Variants in FAM83D observed in about 807,000 individuals in gnomAD.
FAM83D encodes the protein scaffolding CK1 anchoring protein D.
A neutral mutation model predicts 25.4 loss-of-function variants in FAM83D; 26 were observed. That is an observed-to-expected ratio of 1.02 (90% confidence interval 0.75 to 1.42). The LOEUF is 1.42. Among genes scored for constraint, FAM83D ranks in the 40% most tolerant of loss-of-function variants. The probability of loss-of-function intolerance (pLI) is 0.00; values close to 1 mark genes in which losing one functional copy is unlikely to be tolerated. For missense variants in FAM83D, 740 were observed against 758.1 expected (o/e 0.98, Z 0.28); for synonymous variants, 310 against 318.5 (o/e 0.97, Z 0.28).
At chr20:38,936,940 C>T (rs1000964976) in intron 1 of FAM83D, among the ~76,000 whole-genome samples, 1 of 152,134 alleles carries the variant, frequency 6.6e-6, no homozygotes, top group Non-Finnish European at 1.5e-5. Flanking sequence ...TTCCCAAGTC[C>T]CTTGGTACAA....
Position 38,941,777 on chromosome 20 carries a change from G to A in FAM83D, c.484-182G>A, listed in dbSNP as rs114055283. Among the ~76,000 whole-genome samples the A allele has an allele frequency of 3.6e-3, 542 of 152,250 alleles. 6 individuals are homozygous for A. The highest frequency in any genetic ancestry group is 0.013 in the African/African-American group (520 of 41,546). ...GATTTCTAGGACACGGGGCCCAAGT[G>A]TCTTTGGAGATGCAAAAGAGTCCAT... On this transcript the variant is annotated intron_variant, in intron 1 of 3. Coordinates refer to ENST00000619850, the MANE Select transcript of FAM83D (RefSeq NM_030919.3).
At chr20:38,929,245 T>C (rs1199926435) in intron 1 of FAM83D, among the ~76,000 whole-genome samples, 1 of 152,024 alleles carries the variant, frequency 6.6e-6, no homozygotes, top group South Asian at 2.1e-4. Context: ...AATTATTTGC[T>C]TACTCATTGC....
At chr20:38,941,906 G>A in intron 1 of FAM83D, 53 bp from the exon 2 acceptor site, 2 of 1,581,328 alleles carry the variant, frequency 1.3e-6, no homozygotes, top group Non-Finnish European at 1.7e-6. Context: ...AGAGCGTGCT[G>A]TAAGGTGGTG....
intron 2 of FAM83D, among the ~76,000 whole-genome samples, chr20:38,943,536 T>C (rs931693246): frequency 1.3e-5 from 2 of 152,246 alleles, no homozygotes; most frequent in African/African-American, 2.4e-5. Flanking sequence ...TGTTCATTTC[T>C]CATTATTGTA....
chr20:38,929,037 C>T (rs2085648196), intron 1 of FAM83D, among the ~76,000 whole-genome samples: 1 of 151,980 alleles, frequency 6.6e-6, no homozygotes, highest in South Asian at 2.1e-4. Flanking sequence ...ATTAGCTGGA[C>T]GTGGTGGTGC....
chr20:38,927,774 C>T (rs1223202252), intron 1 of FAM83D, among the ~76,000 whole-genome samples: 1 of 151,942 alleles, frequency 6.6e-6, no homozygotes, highest in Non-Finnish European at 1.5e-5. Context: ...GCTAGGATTA[C>T]AGGCGTGAGC....
Position 38,926,696 on chromosome 20 carries a change from C to T in FAM83D, c.254C>T (p.Ala85Val), listed in dbSNP as rs1222652745. The T allele has an allele frequency of 2.6e-6, 4 of 1,519,418 alleles. No homozygotes were observed. Among genetic ancestry groups the T allele is most frequent in the East Asian group, 2.5e-5 (1 of 39,474 alleles). 94.1% of individuals were successfully genotyped at this position (1,519,418 alleles called of 1,614,324 possible). A position where few individuals can be genotyped will look rare whatever the true frequency, so the allele number is the denominator to read the frequency against. The change falls in exon 1 of 4, where the codon GCG becomes GTG. Residue 85 changes from alanine (A) to valine (V), a missense_variant. Transcript: ENST00000619850. ...GAGGAGGGCGCGGCGGCGGCGGCGG[C>T]GGCCGAGGACTCGTTCGGCTCCTCG... Reference protein sequence around the residue: ...PGEEGAAAAAAAEDSFGSSHD... With the variant: ...PGEEGAAAAAVAEDSFGSSHD...
rs540942510 is a variant in FAM83D, at chr20:38,929,515, G to A, written c.483+2590G>A. ...TGGGGGCAGCCAAATTCCCCACAGCGGGTTAGTGGTAGGAGAGGAAGCTGG... is the reference window on the plus strand; with the variant it reads ...TGGGGGCAGCCAAATTCCCCACAGCAGGTTAGTGGTAGGAGAGGAAGCTGG... On this transcript the variant is annotated intron_variant, in intron 1 of 3. Coordinates refer to ENST00000619850, the MANE Select transcript of FAM83D (RefSeq NM_030919.3). Among the ~76,000 whole-genome samples, 556 of 152,172 alleles carry A rather than the reference G, an allele frequency of 3.7e-3. 1 individual carries two copies. The highest frequency in any genetic ancestry group is 6.5e-3 in the Non-Finnish European group (441 of 67,998).
At chr20:38,946,892 T>C (rs2085730801) in intron 2 of FAM83D, among the ~76,000 whole-genome samples, 1 of 152,238 alleles carries the variant, frequency 6.6e-6, no homozygotes, top group Admixed American at 6.5e-5. Context: ...TGTGTGGATA[T>C]AGGTTTTCAT....
At chr20:38,936,882 C>T (rs1360121655) in intron 1 of FAM83D, among the ~76,000 whole-genome samples, 1 of 152,110 alleles carries the variant, frequency 6.6e-6, no homozygotes, top group Non-Finnish European at 1.5e-5. Flanking sequence ...TGTGACCTTC[C>T]CAGAGACCAA....
At chr20:38,933,353 T>A (rs2085665733) in intron 1 of FAM83D, among the ~76,000 whole-genome samples, 1 of 152,232 alleles carries the variant, frequency 6.6e-6, no homozygotes, top group African/African-American at 2.4e-5. Flanking sequence ...TAGTGATGGT[T>A]GTGAATGTAA....
intron 3 of FAM83D, among the ~76,000 whole-genome samples, chr20:38,950,126 C>T (rs1358431992): frequency 6.6e-6 from 1 of 152,126 alleles, no homozygotes; most frequent in Non-Finnish European, 1.5e-5. Flanking sequence ...CAGCCAGATC[C>T]TGGCTTTCTT....
chr20:38,942,003 C>G lies in FAM83D; in HGVS notation c.528C>G (p.Phe176Leu). 2 of 1,614,244 alleles carry G rather than the reference C, an allele frequency of 1.2e-6. No homozygotes were observed. The highest frequency in any genetic ancestry group is 1.7e-6 in the Non-Finnish European group (2 of 1,180,048). Residue 176 changes from phenylalanine to leucine, a missense_variant, in exon 2 of 4, where the codon TTC (phenylalanine) becomes TTG (leucine). Phe to Leu is a conservative substitution (Grantham distance 22, BLOSUM62 0). Coordinates refer to ENST00000619850, the MANE Select transcript of FAM83D (RefSeq NM_030919.3). ...VMDVFTDIDI[F>L]RDLQEICRKQ... is the part of the protein sequence containing the mutation. ...ACGTGTTCACAGACATCGACATCTT[C>G]AGAGACCTGCAAGAAATATGCAGGA...
chr20:38,952,731 T>C lies in FAM83D; in HGVS notation c.*211T>C. 4.9e-6 allele frequency: 3 copies of C among 611,934 alleles called. No homozygotes were observed. The South Asian group carries it at 6.3e-5, about 13-fold the overall frequency. 37.9% of individuals were successfully genotyped at this position (611,934 alleles called of 1,614,324 possible). On this transcript the variant is annotated 3_prime_UTR_variant, in exon 4 of 4. Transcript: ENST00000619850. ...TATTGGTTTTATGGTTTAAACACTATGGATACAGGGGTTTGTTTTGCACAA... is the reference window on the plus strand; with the variant it reads ...TATTGGTTTTATGGTTTAAACACTACGGATACAGGGGTTTGTTTTGCACAA...
intron 2 of FAM83D, among the ~76,000 whole-genome samples, chr20:38,944,972 C>T (rs2085720675): frequency 1.3e-5 from 2 of 151,940 alleles, no homozygotes; most frequent in Admixed American, 6.6e-5. Flanking sequence ...TCTCTGGCCT[C>T]CCCAGTTTTT....
chr20:38,945,576 T>A (rs995664732), intron 2 of FAM83D, among the ~76,000 whole-genome samples: 3 of 152,192 alleles, frequency 2.0e-5, no homozygotes, highest in African/African-American at 7.2e-5. Context: ...TACAGACTTA[T>A]ACATTTCCCG....
At chr20:38,938,763 C>T (rs1003084729) in intron 1 of FAM83D, among the ~76,000 whole-genome samples, 1 of 152,094 alleles carries the variant, frequency 6.6e-6, no homozygotes, top group Non-Finnish European at 1.5e-5. Context: ...TTCTGCAACC[C>T]TCATTGCTTC....
At chr20:38,947,735 C>G (rs934606090) in intron 2 of FAM83D, 141 bp from the exon 3 acceptor site, 4 of 901,634 alleles carry the variant, frequency 4.4e-6, no homozygotes, top group Non-Finnish European at 6.8e-6. Context: ...TATACTGTCA[C>G]TAAATGGTGA....
chr20:38,940,883 C>A lies in FAM83D; in HGVS notation c.484-1076C>A, dbSNP rs187801339. Among the ~76,000 whole-genome samples the A allele has an allele frequency of 8.5e-5, 13 of 152,304 alleles. No homozygotes were observed. The East Asian group carries it at 2.3e-3, about 27-fold the overall frequency. ...GCTCTGGACTGGTAAAGTGAATAAA[C>A]GAGCAGATACTAAGGGATCCTTTGT... On this transcript the variant is annotated intron_variant, in intron 1 of 3. Transcript: ENST00000619850.
Sources: gnomAD v4.1 joint callset for allele counts (sites outside exome capture counted in the v4.1 genomes callset) on GRCh38, gnomAD v4.1.1 for gene constraint, MANE v1.5 for transcripts, NCBI Gene and HGNC (gene_info 2026-07-23, HGNC 2026-07-21) for gene names.